Variants in CSMD1 observed in about 807,000 individuals in gnomAD.
CSMD1 encodes CUB and sushi domain-containing protein 1.
Under a neutral mutation model 417.5 loss-of-function variants are expected in CSMD1, and 213 were observed. That is an observed-to-expected ratio of 0.51 (90% CI 0.46 to 0.57). CSMD1 has a LOEUF of 0.57. Ranked by LOEUF, CSMD1 falls within the 20% of genes least tolerant of loss-of-function variation. The pLI is 0.00. For missense variants in CSMD1, 6,923 were observed against 4,529.7 expected (o/e 1.53, Z -15.17); for synonymous variants, 2,862 against 1,736.8 (o/e 1.65, Z -16.11).
chr8:4,309,674 C>G (rs71523624), intron 3 of CSMD1, among the ~76,000 whole-genome samples: 5,023 of 152,184 alleles, frequency 0.033, 125 homozygotes, highest in Non-Finnish European at 0.048. Flanking sequence ...AGCATATCAC[C>G]TTACACATTT....
chr8:4,546,908 C>T lies in CSMD1; in HGVS notation c.302+90434G>A, dbSNP rs117565369. On this transcript the variant is annotated intron_variant, in intron 2 of 69. Transcript: ENST00000635120. ...TGTCTCTCTCTGGAGATCCCTAACA[C>T]ACCATCCCTGAGATGTTGATTCTCC... Among the ~76,000 whole-genome samples, 93 of 152,186 alleles carry T rather than the reference C, an allele frequency of 6.1e-4. 1 individual carries two copies. The East Asian group carries it at 0.015, about 24-fold the overall frequency.
At chr8:4,896,734 C>A (rs1015191384) in intron 1 of CSMD1, among the ~76,000 whole-genome samples, 1 of 151,970 alleles carries the variant, frequency 6.6e-6, no homozygotes, top group Non-Finnish European at 1.5e-5. Flanking sequence ...GTGAGGAGTC[C>A]TCCGATTCTA....
At chr8:3,601,314 G>C (rs555974994) in intron 8 of CSMD1, among the ~76,000 whole-genome samples, 2 of 152,336 alleles carry the variant, frequency 1.3e-5, no homozygotes, top group South Asian at 4.1e-4. Flanking sequence ...TATTCTTCCA[G>C]CTTCTGCAGA....
At chr8:3,942,537 G>A (rs1017916852) in intron 5 of CSMD1, among the ~76,000 whole-genome samples, 27 of 152,158 alleles carry the variant, frequency 1.8e-4, no homozygotes, top group Admixed American at 2.6e-4. Context: ...GGACACCGGT[G>A]CATGAGGACT....
In CSMD1 at chr8:4,424,415, C is replaced by T. The variant is rs185417779; in HGVS notation, c.303-4350G>A. The stretch of plus-strand genomic sequence containing the variant: ...TCAGGTGACCTAAAGGACATCCAGA[C>T]GGCAAATAAGCCCACGAATATTTAC... On this transcript the variant is annotated intron_variant, in intron 2 of 69. Coordinates refer to ENST00000635120, the MANE Select transcript of CSMD1 (RefSeq NM_033225.6). Among the ~76,000 whole-genome samples, 369 of 151,922 alleles carry T rather than the reference C, an allele frequency of 2.4e-3. 1 individual carries two copies. The highest frequency in any genetic ancestry group is 7.3e-3 in the African/African-American group (303 of 41,470).
intron 17 of CSMD1, among the ~76,000 whole-genome samples, chr8:3,392,427 G>C (rs559615375): frequency 6.0e-4 from 91 of 152,080 alleles, no homozygotes; most frequent in African/African-American, 2.0e-3. Flanking sequence ...TGCTAGACGG[G>C]GTTACCTGGA....
At chr8:3,040,858 A>G (rs1372185504) in intron 50 of CSMD1, among the ~76,000 whole-genome samples, 1 of 152,212 alleles carries the variant, frequency 6.6e-6, no homozygotes, top group African/African-American at 2.4e-5. Flanking sequence ...TTTGTCGAAA[A>G]TAATCTGTTA....
intron 2 of CSMD1, among the ~76,000 whole-genome samples, chr8:4,429,040 A>T (rs746371879): frequency 3.3e-5 from 5 of 152,020 alleles, no homozygotes; most frequent in African/African-American, 4.8e-5. Context: ...TTTTAATAAG[A>T]GTTTTACATA....
At chr8:4,118,858 T>G in intron 3 of CSMD1, among the ~76,000 whole-genome samples, 1 of 152,088 alleles carries the variant, frequency 6.6e-6, no homozygotes, top group East Asian at 1.9e-4. Context: ...CTCAACAATG[T>G]TAGACTGGAT....
intron 4 of CSMD1, among the ~76,000 whole-genome samples, chr8:4,023,743 C>A (rs925993922): frequency 1.4e-5 from 2 of 145,058 alleles, no homozygotes; most frequent in Non-Finnish European, 3.0e-5. Flanking sequence ...CCCACCGCTA[C>A]GCTCGGCTAA....
intron 1 of CSMD1, among the ~76,000 whole-genome samples, chr8:4,841,271 G>C (rs919502123): frequency 6.6e-6 from 1 of 152,154 alleles, no homozygotes; most frequent in African/African-American, 2.4e-5. Context: ...TGCAGCCTTT[G>C]GTTATTGATT....
chr8:3,945,535 A>G lies in CSMD1; in HGVS notation c.818+52368T>C, dbSNP rs547590989. 5.9e-5 allele frequency among the ~76,000 whole-genome samples: 9 copies of G among 151,570 alleles called. No homozygotes were observed. In the South Asian group the frequency reaches 1.5e-3, roughly 25 times the overall value. On this transcript the variant is annotated intron_variant, in intron 5 of 69. Transcript: ENST00000635120. The stretch of plus-strand genomic sequence containing the variant: ...TTATTGGTAATAGTGAAAGGCGTTG[A>G]TTCATATAACTTTTGAGAGACAAGT...
intron 12 of CSMD1, among the ~76,000 whole-genome samples, chr8:3,412,287 C>G (rs1333136115): frequency 6.6e-6 from 1 of 151,690 alleles, no homozygotes; most frequent in Non-Finnish European, 1.5e-5. Context: ...GCAAATTGTG[C>G]TGCTATAAAT....
chr8:4,304,379 G>T (rs1798136828), intron 3 of CSMD1, among the ~76,000 whole-genome samples: 1 of 152,124 alleles, frequency 6.6e-6, no homozygotes, highest in South Asian at 2.1e-4. Flanking sequence ...GTGAGCTCAT[G>T]TTGTAAATAG....
chr8:4,091,183 T>C (rs1347196424), intron 3 of CSMD1, among the ~76,000 whole-genome samples: 1 of 152,064 alleles, frequency 6.6e-6, no homozygotes, highest in Non-Finnish European at 1.5e-5. Context: ...CCTCCCAAAG[T>C]GCTGGGATTA....
intron 5 of CSMD1, among the ~76,000 whole-genome samples, chr8:3,825,410 T>A (rs570460867): frequency 4.6e-5 from 7 of 152,216 alleles, no homozygotes; most frequent in African/African-American, 1.4e-4. Flanking sequence ...GCACCTGTAA[T>A]CCCAGGTACT....
At chr8:3,957,826 G>T (rs561453471) in intron 5 of CSMD1, among the ~76,000 whole-genome samples, 1 of 152,180 alleles carries the variant, frequency 6.6e-6, no homozygotes, top group Non-Finnish European at 1.5e-5. Flanking sequence ...GGAAATGAAG[G>T]GATAATCACA....
At chr8:4,112,298 G>C (rs556435300) in intron 3 of CSMD1, among the ~76,000 whole-genome samples, 2 of 152,120 alleles carry the variant, frequency 1.3e-5, no homozygotes, top group Non-Finnish European at 2.9e-5. Flanking sequence ...GCCTGCTCCC[G>C]CACATTTACA....
In CSMD1 at chr8:2,973,318, T is replaced by TA; in HGVS notation, c.8741-20dup. On this transcript the variant is annotated intron_variant, in intron 56 of 69. Transcript: ENST00000635120. ...TTATTTCCTATTGAAAACAAACACA[T>TA]ACGGCAATCCACAATTGTGTTAGAC... 6.2e-7 allele frequency: 1 copy of TA among 1,610,342 alleles called. No individual in the cohort carries two copies. The highest frequency in any genetic ancestry group is 8.5e-7 in the Non-Finnish European group (1 of 1,177,338).
Sources: allele counts gnomAD v4.1 joint callset (sites outside exome capture counted in the v4.1 genomes callset), GRCh38; gene constraint gnomAD v4.1.1; transcripts MANE v1.5; gene names NCBI Gene and HGNC (gene_info 2026-07-23, HGNC 2026-07-21).